Variants in JAKMIP1 observed in about 807,000 individuals in gnomAD.
The protein encoded by JAKMIP1 is janus kinase and microtubule-interacting protein 1.
A neutral mutation model predicts 113.0 loss-of-function variants in JAKMIP1; 33 were observed. The ratio of observed to expected loss-of-function variants is 0.29; its 90% confidence interval spans 0.22 to 0.39. The LOEUF (loss-of-function observed/expected upper bound fraction) is 0.39. Ranked by LOEUF, JAKMIP1 falls within the 10% of genes least tolerant of loss-of-function variation. JAKMIP1 has a pLI of 1.00. For synonymous variants in JAKMIP1, 480 were observed against 459.9 expected (o/e 1.04, Z -0.56); for missense variants, 813 against 1,080.5 (o/e 0.75, Z 3.47).
At position 6,084,916 on chromosome 4, in the gene JAKMIP1, G is replaced by C. The variant is rs1489883328; in HGVS notation, c.884C>G (p.Ala295Gly). 6.9e-7 allele frequency: 1 copy of C among 1,450,046 alleles called. No homozygotes were observed. Among genetic ancestry groups the C allele is most frequent in the Non-Finnish European group, 9.2e-7 (1 of 1,089,054 alleles). The allele number at this position is 1,450,046 out of a possible 1,614,324, so 89.8% of individuals were successfully genotyped here. The change falls in exon 5 of 21, where the codon GCT becomes GGT. Residue 295 changes from alanine (A) to glycine (G), a missense_variant. By Grantham distance (60) the Ala-to-Gly change is moderately conservative. Transcript: ENST00000409021. ...CTTCCGTATCACTGAATTCAGTTCA[G>C]CAATTTTTAGTTGAAATCGCCTCAC... ...RDVRRFQLKI[A>G]ELNSVIRKLE...
intron 1 of JAKMIP1, among the ~76,000 whole-genome samples, chr4:6,114,997 T>A (rs770897213): frequency 1.3e-5 from 2 of 152,236 alleles, no homozygotes; most frequent in African/African-American, 4.8e-5. Context: ...CACTTGGATG[T>A]TCATCCCAAC....
At chr4:6,054,198 T>C in intron 12 of JAKMIP1, 50 bp from the exon 13 acceptor site, 1 of 1,591,316 alleles carries the variant, frequency 6.3e-7, no homozygotes, top group South Asian at 1.1e-5. Flanking sequence ...AGCACTGGGG[T>C]CCCCTGGTCA....
intron 1 of JAKMIP1, among the ~76,000 whole-genome samples, chr4:6,126,602 C>T (rs972640454): frequency 6.8e-6 from 1 of 146,682 alleles, no homozygotes; most frequent in Non-Finnish European, 1.5e-5. Context: ...CAGAAACACA[C>T]ACACCATGCA....
Position 6,069,660 on chromosome 4 carries a change from G to A in JAKMIP1, c.1303-4652C>T, listed in dbSNP as rs575944738. On this transcript the variant is annotated intron_variant, in intron 8 of 20. Transcript: ENST00000409021. The surrounding 1 kb of genome is among the most constrained non-coding windows in gnomAD (Gnocchi z 4.5). ...CCCAGCTACTTGGGAGGCTGAGGTG[G>A]AAAGATTACTTGAGCCTGGGAGGTT... 3.5e-4 allele frequency among the ~76,000 whole-genome samples: 53 copies of A among 151,704 alleles called. No individual in the cohort carries two copies. Among genetic ancestry groups the A allele is most frequent in the Non-Finnish European group, 6.9e-4 (47 of 67,988 alleles).
chr4:6,145,999 AT>A (rs1248214997), intron 1 of JAKMIP1, among the ~76,000 whole-genome samples: 3 of 152,180 alleles, frequency 2.0e-5, no homozygotes, highest in African/African-American at 4.8e-5. Flanking sequence ...GGGGGGACAC[AT>A]TTCAGCCCAT....
intron 3 of JAKMIP1, among the ~76,000 whole-genome samples, chr4:6,098,625 A>C (rs181396711): frequency 6.7e-6 from 1 of 148,598 alleles, no homozygotes. Context: ...GAAAAAGAAA[A>C]AGAAAGAAAG....
chr4:6,111,706 C>T (rs1004950940), intron 2 of JAKMIP1, among the ~76,000 whole-genome samples: 1 of 152,190 alleles, frequency 6.6e-6, no homozygotes, highest in African/African-American at 2.4e-5. Context: ...TGTGACAGCC[C>T]GTGCTTTAAT....
At chr4:6,034,413 G>A (rs1367143083) in intron 19 of JAKMIP1, among the ~76,000 whole-genome samples, 2 of 152,152 alleles carry the variant, frequency 1.3e-5, no homozygotes. Flanking sequence ...ACACCATGCT[G>A]CTCTGCTGCC....
intron 1 of JAKMIP1, among the ~76,000 whole-genome samples, chr4:6,130,200 G>A (rs1330550443): frequency 6.6e-6 from 1 of 152,260 alleles, no homozygotes; most frequent in African/African-American, 2.4e-5. Flanking sequence ...AAGGGAGGCA[G>A]GGGAAGAAGG....
Position 6,164,469 on chromosome 4 carries a change from C to A in JAKMIP1, c.-148+35784G>T, listed in dbSNP as rs537944382. Among the ~76,000 whole-genome samples, 7 of 152,250 alleles carry A rather than the reference C, an allele frequency of 4.6e-5. No individual in the cohort carries two copies. In the South Asian group the frequency reaches 1.2e-3, roughly 27 times the overall value. On this transcript the variant is annotated intron_variant, in intron 1 of 20. Coordinates refer to ENST00000409021, the MANE Select transcript of JAKMIP1 (RefSeq NM_001099433.2). ...AGAGGAGATTGATGTTGTTGTCATG[C>A]CTGCTAACACACCATCCATTCTGCA...
rs1412612317 is a variant in JAKMIP1 at position 6,150,042 on chromosome 4, CA to C, written c.-147-37046del. 1.3e-5 allele frequency among the ~76,000 whole-genome samples: 2 copies of C among 152,198 alleles called. No individual in the cohort carries two copies. Among genetic ancestry groups the C allele is most frequent in the Non-Finnish European group, 2.9e-5 (2 of 68,042 alleles). Reference sequence around the variant, plus strand: ...ATCTCACATCCTCCAAGGTCAATTACACACTCATTCTTCCAAGAAACACGCC... The same window carrying C: ...ATCTCACATCCTCCAAGGTCAATTACCACTCATTCTTCCAAGAAACACGCC... On this transcript the variant is annotated intron_variant, in intron 1 of 20. Transcript: ENST00000409021. This position sits in a 1 kb window ranked among gnomAD's most constrained non-coding sequence, Gnocchi z 4.8.
At chr4:6,082,408 G>A (rs561943501) in intron 5 of JAKMIP1, among the ~76,000 whole-genome samples, 15 of 151,672 alleles carry the variant, frequency 9.9e-5, no homozygotes, top group South Asian at 4.2e-4. Context: ...AGATACATAC[G>A]TGTCTTTACT....
At chr4:6,056,638 G>A in intron 12 of JAKMIP1, 59 bp downstream of exon 12, 7 of 1,353,726 alleles carry the variant, frequency 5.2e-6, no homozygotes, top group East Asian at 2.3e-5. Flanking sequence ...AGTCTGAGCA[G>A]GCCCGCGGGG....
chr4:6,106,019 T>G lies in JAKMIP1; in HGVS notation c.130-52A>C. Reference sequence around the variant, plus strand: ...GTCAGGGTCAGGGTCAGGGTCAGGGTCAGGGTCAGGGTCACAGCTGGGGGA... The same window carrying G: ...GTCAGGGTCAGGGTCAGGGTCAGGGGCAGGGTCAGGGTCACAGCTGGGGGA... On this transcript the variant is annotated intron_variant, in intron 2 of 20. Coordinates refer to ENST00000409021, the MANE Select transcript of JAKMIP1 (RefSeq NM_001099433.2). The surrounding 1 kb of genome is among the most constrained non-coding windows in gnomAD (Gnocchi z 5.9). 8.0e-7 allele frequency: 1 copy of G among 1,253,760 alleles called. No individual in the cohort carries two copies. The highest frequency in any genetic ancestry group is 1.1e-6 in the Non-Finnish European group (1 of 904,384). The allele number at this position is 1,253,760 out of a possible 1,614,324, so 77.7% of individuals were successfully genotyped here. A position where few individuals can be genotyped will look rare whatever the true frequency, so the allele number is the denominator to read the frequency against.
chr4:6,157,722 T>G lies in JAKMIP1; in HGVS notation c.-148+42531A>C, dbSNP rs1722421717. ...GGTGCCAGTTGTCTGTGGTTTCACA[T>G]TCACTGAGCAGGTTAGATATGCCTC... is the stretch of plus-strand genomic sequence containing the variant. On this transcript the variant is annotated intron_variant, in intron 1 of 20. Transcript: ENST00000409021. This position sits in a 1 kb window ranked among gnomAD's most constrained non-coding sequence, Gnocchi z 4.7. 6.6e-6 allele frequency among the ~76,000 whole-genome samples: 1 copy of G among 152,174 alleles called. No homozygotes were observed. Among genetic ancestry groups the G allele is most frequent in the Non-Finnish European group, 1.5e-5 (1 of 68,030 alleles).
chr4:6,200,548 C>A lies in JAKMIP1; in HGVS notation c.-443G>T, dbSNP rs1223716397. The stretch of plus-strand genomic sequence containing the variant: ...GCCGGCGCGTGCCGCACGCGGGTGG[C>A]TGCAGCTCCCTCGGTCGCCCGCGCC... On this transcript the variant is annotated 5_prime_UTR_variant, in exon 1 of 21. Transcript: ENST00000409021. This position sits in a 1 kb window ranked among gnomAD's most constrained non-coding sequence, Gnocchi z 7.0. 1 of 149,890 alleles carries A rather than the reference C, an allele frequency of 6.7e-6. No individual in the cohort carries two copies. Among genetic ancestry groups the A allele is most frequent in the East Asian group, 2.0e-4 (1 of 5,086 alleles). 9.3% of individuals were successfully genotyped at this position (149,890 alleles called of 1,614,324 possible). A position where few individuals can be genotyped will look rare whatever the true frequency, so the allele number is the denominator to read the frequency against.
chr4:6,111,853 G>A (rs939242293), intron 2 of JAKMIP1, among the ~76,000 whole-genome samples: 1 of 152,182 alleles, frequency 6.6e-6, no homozygotes, highest in Non-Finnish European at 1.5e-5. Flanking sequence ...CCTGAGTCCA[G>A]ACCACAGCCC....
At position 6,065,667 on chromosome 4, in the gene JAKMIP1, G is replaced by C. The variant is rs944507854; in HGVS notation, c.1303-659C>G. ...GATTCACAGAATGAGAAGGAATCAT[G>C]TAATAGACCTTCACACGACCATCAC... On this transcript the variant is annotated intron_variant, in intron 8 of 20. Transcript: ENST00000409021. The surrounding 1 kb of genome is among the most constrained non-coding windows in gnomAD (Gnocchi z 5.1). Among the ~76,000 whole-genome samples the C allele has an allele frequency of 6.6e-6, 1 of 152,230 alleles. No individual in the cohort carries two copies. Among genetic ancestry groups the C allele is most frequent in the Admixed American group, 6.5e-5 (1 of 15,282 alleles).
At position 6,094,411 on chromosome 4, in the gene JAKMIP1, G is replaced by A. The variant is rs1373862867; in HGVS notation, c.625-8782C>T. ...TGGGCCACTCCTACCCAACTGACAG[G>A]AGGAATCGTGCTAAGAAAACAGCCT... is the stretch of plus-strand genomic sequence containing the variant. On this transcript the variant is annotated intron_variant, in intron 3 of 20. Transcript: ENST00000409021. The surrounding 1 kb of genome is among the most constrained non-coding windows in gnomAD (Gnocchi z 4.2). Among the ~76,000 whole-genome samples the A allele has an allele frequency of 6.6e-6, 1 of 152,174 alleles. No individual in the cohort carries two copies. Among genetic ancestry groups the A allele is most frequent in the East Asian group, 1.9e-4 (1 of 5,190 alleles).
Sources: gnomAD v4.1 joint callset for allele counts (sites outside exome capture counted in the v4.1 genomes callset) on GRCh38, gnomAD v4.1.1 for gene constraint, Gnocchi (gnomAD v3.1) non-coding constraint, MANE v1.5 for transcripts, NCBI Gene and HGNC (gene_info 2026-07-23, HGNC 2026-07-21) for gene names.